The following SEMA5A variants were observed in gnomAD, a reference collection of about 807,000 sequenced individuals.
SEMA5A encodes semaphorin 5A, also known as semaphorin-5A.
Under a neutral mutation model 135.5 loss-of-function variants are expected in SEMA5A, and 55 were observed. That is an observed-to-expected ratio of 0.41 (90% CI 0.33 to 0.51). The LOEUF is 0.51. SEMA5A is among the 20% of genes least tolerant of loss of function. SEMA5A has a pLI of 0.37. For synonymous variants in SEMA5A, 580 were observed against 546.5 expected, an observed-to-expected ratio of 1.06 and a Z score of -0.85; for missense variants, 1,290 against 1,419.9, an observed-to-expected ratio of 0.91 and a Z score of 1.47.
chr5:9,160,565 C>T (rs1743197796), intron 11 of SEMA5A, among the ~76,000 whole-genome samples: 1 of 152,194 alleles, frequency 6.6e-6, no homozygotes. Context: ...CAAAGGGCTT[C>T]AGTGGCATGC....
intron 21 of SEMA5A, among the ~76,000 whole-genome samples, chr5:9,048,887 G>A (rs1736411064): frequency 6.6e-6 from 1 of 152,172 alleles, no homozygotes; most frequent in Non-Finnish European, 1.5e-5. Context: ...TCCCATGTTA[G>A]CAACTGTTAG....
intron 5 of SEMA5A, among the ~76,000 whole-genome samples, chr5:9,270,417 T>G (rs1749911049): frequency 6.6e-6 from 1 of 152,100 alleles, no homozygotes; most frequent in Admixed American, 6.5e-5. Context: ...TACGAGAACC[T>G]CAATTCAATA....
At chr5:9,168,077 C>T (rs891975969) in intron 11 of SEMA5A, among the ~76,000 whole-genome samples, 15 of 152,136 alleles carry the variant, frequency 9.9e-5, no homozygotes, top group African/African-American at 3.4e-4. Flanking sequence ...CTGCCCACTC[C>T]ACTGAAAGTT....
At chr5:9,138,630 G>C (rs961044894) in intron 12 of SEMA5A, among the ~76,000 whole-genome samples, 1 of 151,654 alleles carries the variant, frequency 6.6e-6, no homozygotes, top group Non-Finnish European at 1.5e-5. Flanking sequence ...TAGGTTATTG[G>C]GGAACAGGTG....
intron 11 of SEMA5A, among the ~76,000 whole-genome samples, chr5:9,177,909 G>A (rs3777282): frequency 0.1 from 15,144 of 152,178 alleles, 1,259 homozygotes; most frequent in African/African-American, 0.2. Context: ...TTACATATTT[G>A]TCAGTATAAT....
intron 5 of SEMA5A, among the ~76,000 whole-genome samples, chr5:9,312,921 G>C (rs983139247): frequency 6.6e-6 from 1 of 152,160 alleles, no homozygotes; most frequent in Non-Finnish European, 1.5e-5. Context: ...ACAGAGCTGA[G>C]CCGCCATGTG....
chr5:9,180,553 T>C (rs1366757071), intron 11 of SEMA5A, among the ~76,000 whole-genome samples: 1 of 152,194 alleles, frequency 6.6e-6, no homozygotes, highest in East Asian at 1.9e-4. Context: ...TAATACTTGT[T>C]CCTGACACTT....
chr5:9,193,930 C>T (rs948371049), intron 10 of SEMA5A, among the ~76,000 whole-genome samples: 7 of 152,122 alleles, frequency 4.6e-5, no homozygotes, highest in African/African-American at 1.7e-4. Flanking sequence ...ATCTGCTTTG[C>T]ATATCAAAGG....
intron 11 of SEMA5A, among the ~76,000 whole-genome samples, chr5:9,166,695 C>T (rs547344726): frequency 3.9e-5 from 6 of 152,054 alleles, no homozygotes; most frequent in Admixed American, 2.6e-4. Flanking sequence ...CATAAGCCAG[C>T]GCTTATAGGA....
At chr5:9,074,306 T>C (rs1365828095) in intron 16 of SEMA5A, among the ~76,000 whole-genome samples, 1 of 152,192 alleles carries the variant, frequency 6.6e-6, no homozygotes, top group Non-Finnish European at 1.5e-5. Flanking sequence ...TGTGAAAACA[T>C]GAATTTTGAT....
intron 1 of SEMA5A, among the ~76,000 whole-genome samples, chr5:9,491,531 G>A (rs1004935721): frequency 6.6e-6 from 1 of 151,748 alleles, no homozygotes; most frequent in African/African-American, 2.4e-5. Context: ...TTGAATGGAT[G>A]CAAATGCAGG....
chr5:9,409,370 G>A (rs1429708275), intron 2 of SEMA5A, among the ~76,000 whole-genome samples: 1 of 152,178 alleles, frequency 6.6e-6, no homozygotes, highest in Non-Finnish European at 1.5e-5. Flanking sequence ...GCCCTTCTCA[G>A]GCAACCCTGG....
chr5:9,495,957 A>C (rs1346361144), intron 1 of SEMA5A, among the ~76,000 whole-genome samples: 1 of 152,186 alleles, frequency 6.6e-6, no homozygotes. Flanking sequence ...CTAGAATGGA[A>C]ACTTCATGAG....
At chr5:9,312,513 T>C (rs555414572) in intron 5 of SEMA5A, among the ~76,000 whole-genome samples, 11 of 152,292 alleles carry the variant, frequency 7.2e-5, no homozygotes, top group Admixed American at 5.2e-4. Flanking sequence ...TCTCTTAATA[T>C]GTTAAGGCAT....
intron 21 of SEMA5A, 82 bp from the exon 22 acceptor site, chr5:9,044,666 A>C (rs1358432184): frequency 2.6e-5 from 31 of 1,198,370 alleles, no homozygotes; most frequent in Non-Finnish European, 2.9e-5. Context: ...TGAAAAGAGA[A>C]AGTCAAAATG....
intron 16 of SEMA5A, among the ~76,000 whole-genome samples, chr5:9,098,767 C>T (rs898827563): frequency 1.1e-4 from 17 of 152,098 alleles, no homozygotes; most frequent in African/African-American, 2.7e-4. Flanking sequence ...AATTGAAATA[C>T]TATTATTGTG....
chr5:9,320,905 A>G (rs1752601907), intron 4 of SEMA5A, among the ~76,000 whole-genome samples: 1 of 152,164 alleles, frequency 6.6e-6, no homozygotes. Flanking sequence ...ATCTACACAC[A>G]CACACAGACA....
At chr5:9,109,027 AATTT>A (rs1740083498) in intron 15 of SEMA5A, among the ~76,000 whole-genome samples, 1 of 118,928 alleles carries the variant, frequency 8.4e-6, no homozygotes, top group East Asian at 2.6e-4. Context: ...ATTTCTCTTC[AATTT>A]TTTTTTTTTT....
intron 4 of SEMA5A, among the ~76,000 whole-genome samples, chr5:9,330,277 C>T (rs1461916226): frequency 6.6e-6 from 1 of 151,826 alleles, no homozygotes; most frequent in Non-Finnish European, 1.5e-5. Flanking sequence ...GTAGTCCCAG[C>T]TACTCGGGAG....
Sources: allele counts gnomAD v4.1 joint callset (sites outside exome capture counted in the v4.1 genomes callset), GRCh38; gene constraint gnomAD v4.1.1; transcripts MANE v1.5; gene names NCBI Gene and HGNC (gene_info 2026-07-23, HGNC 2026-07-21).